DLG2: variants seen among roughly 807,000 people sequenced by gnomAD.
DLG2 encodes the protein disks large homolog 2.
Under a neutral mutation model 132.5 loss-of-function variants are expected in DLG2, and 45 were observed. That is an observed-to-expected ratio of 0.34 (90% CI 0.27 to 0.44). The LOEUF is 0.44. Ranked by LOEUF, DLG2 falls within the 20% of genes least tolerant of loss-of-function variation. DLG2 has a pLI of 1.00. For missense variants in DLG2, 1,045 were observed against 1,196.9 expected, an observed-to-expected ratio of 0.87 and a Z score of 1.87; for synonymous variants, 424 against 419.6, an observed-to-expected ratio of 1.01 and a Z score of -0.13.
chr11:83,605,391 A>G (rs1156710883), intron 19 of DLG2, among the ~76,000 whole-genome samples: 2 of 152,246 alleles, frequency 1.3e-5, no homozygotes, highest in Non-Finnish European at 2.9e-5. Context: ...GAAAAAAACA[A>G]AACACGTAAG....
chr11:83,949,833 T>A (rs937286115), intron 14 of DLG2, among the ~76,000 whole-genome samples: 1 of 151,998 alleles, frequency 6.6e-6, no homozygotes, highest in African/African-American at 2.4e-5. Context: ...AAAATAAATA[T>A]CTTAGAAATA....
intron 7 of DLG2, among the ~76,000 whole-genome samples, chr11:84,424,989 G>C (rs1047378546): frequency 2.0e-5 from 3 of 152,078 alleles, no homozygotes; most frequent in African/African-American, 4.8e-5. Flanking sequence ...AGTTTGCTAA[G>C]TGTTTGCCTT....
At chr11:85,012,286 G>A (rs61909104) in intron 6 of DLG2, among the ~76,000 whole-genome samples, 1 of 73,974 alleles carries the variant, frequency 1.4e-5, no homozygotes, top group South Asian at 4.0e-4. Context: ...CAGCACTTTG[G>A]GAAGCTAAGG....
intron 15 of DLG2, among the ~76,000 whole-genome samples, chr11:83,912,074 G>C (rs1463025536): frequency 6.6e-6 from 1 of 151,868 alleles, no homozygotes; most frequent in Non-Finnish European, 1.5e-5. Context: ...CACTTGCTGA[G>C]GGGCTATCAG....
At chr11:84,532,117 A>ATTTTTTTTTTTTTTT (rs67139617) in intron 7 of DLG2, among the ~76,000 whole-genome samples, 11 of 104,586 alleles carry the variant, frequency 1.1e-4, no homozygotes, top group Non-Finnish European at 1.6e-4. Flanking sequence ...TGTTCTGTTC[A>ATTTTTTTTTTTTTTT]TTTTTTTTTT....
intron 7 of DLG2, among the ~76,000 whole-genome samples, chr11:84,524,535 A>G (rs1235550142): frequency 6.6e-6 from 1 of 152,218 alleles, no homozygotes; most frequent in Non-Finnish European, 1.5e-5. Flanking sequence ...ACAAGTCACA[A>G]ATCTCTGCCA....
intron 8 of DLG2, among the ~76,000 whole-genome samples, chr11:84,203,840 C>T (rs1478916314): frequency 6.6e-6 from 1 of 152,166 alleles, no homozygotes; most frequent in Non-Finnish European, 1.5e-5. Flanking sequence ...GTCTTAATAC[C>T]TAGGTGATGG....
chr11:84,663,373 T>C (rs1183055520), intron 6 of DLG2, among the ~76,000 whole-genome samples: 1 of 152,052 alleles, frequency 6.6e-6, no homozygotes, highest in East Asian at 1.9e-4. Flanking sequence ...AAGATTGCTG[T>C]CCTGGGCTCC....
At chr11:84,341,689 C>T (rs916334571) in intron 7 of DLG2, among the ~76,000 whole-genome samples, 2 of 152,348 alleles carry the variant, frequency 1.3e-5, no homozygotes, top group Non-Finnish European at 2.9e-5. Flanking sequence ...AAACCCACTG[C>T]TAGAGGTAAG....
chr11:84,164,977 G>A (rs370623041), intron 8 of DLG2, among the ~76,000 whole-genome samples: 1 of 152,156 alleles, frequency 6.6e-6, no homozygotes, highest in African/African-American at 2.4e-5. Context: ...GTTTTGTTTT[G>A]TATATGCAAA....
chr11:84,816,428 C>T (rs1053778234), intron 6 of DLG2, among the ~76,000 whole-genome samples: 2 of 151,442 alleles, frequency 1.3e-5, no homozygotes. Flanking sequence ...ATCTTAAGGC[C>T]GTTTGAAATC....
At chr11:84,088,903 T>C (rs1327836183) in intron 10 of DLG2, among the ~76,000 whole-genome samples, 1 of 152,192 alleles carries the variant, frequency 6.6e-6, no homozygotes, top group Non-Finnish European at 1.5e-5. Flanking sequence ...CAGCTGGGCT[T>C]GTATCCTGCT....
At chr11:85,019,682 T>C (rs1592775275) in intron 6 of DLG2, among the ~76,000 whole-genome samples, 2 of 152,104 alleles carry the variant, frequency 1.3e-5, no homozygotes, top group Non-Finnish European at 2.9e-5. Flanking sequence ...AGTGTTGTCA[T>C]TGTTCAATTC....
chr11:85,425,846 T>A (rs1597228458), intron 3 of DLG2, among the ~76,000 whole-genome samples: 3 of 152,232 alleles, frequency 2.0e-5, no homozygotes, highest in Admixed American at 6.5e-5. Context: ...AGGCATCGCC[T>A]CACCCAGGAA....
intron 5 of DLG2, among the ~76,000 whole-genome samples, chr11:85,121,024 T>G (rs80198407): frequency 0.011 from 1,616 of 152,158 alleles, 24 homozygotes; most frequent in African/African-American, 0.037. Context: ...CTGTGGCTAG[T>G]TGGACAAATT....
chr11:83,872,294 C>T (rs1392237827), intron 16 of DLG2, among the ~76,000 whole-genome samples: 1 of 152,128 alleles, frequency 6.6e-6, no homozygotes, highest in Non-Finnish European at 1.5e-5. Context: ...ACTATTTTCC[C>T]TTTTAGCTGT....
chr11:85,277,529 T>C (rs1302958723), intron 4 of DLG2, among the ~76,000 whole-genome samples: 1 of 152,124 alleles, frequency 6.6e-6, no homozygotes, highest in African/African-American at 2.4e-5. Context: ...TATTGGAAAG[T>C]TAGCTAGAGT....
chr11:84,336,434 T>G (rs2098485039), intron 7 of DLG2, among the ~76,000 whole-genome samples: 1 of 152,222 alleles, frequency 6.6e-6, no homozygotes, highest in African/African-American at 2.4e-5. Flanking sequence ...TGTCATGCCA[T>G]AAAAGAGCTC....
intron 11 of DLG2, among the ~76,000 whole-genome samples, chr11:84,000,102 TGAAAA>T (rs1323915889): frequency 9.9e-5 from 15 of 152,054 alleles, no homozygotes; most frequent in African/African-American, 3.6e-4. Flanking sequence ...AAGAGAATTA[TGAAAA>T]CCAATACAAA....
Sources: allele counts gnomAD v4.1 joint callset (sites outside exome capture counted in the v4.1 genomes callset), GRCh38; gene constraint gnomAD v4.1.1; transcripts MANE v1.5; gene names NCBI Gene and HGNC (gene_info 2026-07-23, HGNC 2026-07-21).